The following HDAC2 variants were observed in gnomAD, a reference collection of about 807,000 sequenced individuals.
HDAC2 encodes the protein histone deacetylase 2, also known as YY1-associated factor 1.
A neutral mutation model predicts 68.5 loss-of-function variants in HDAC2; 5 were observed. The ratio of observed to expected loss-of-function variants is 0.07; its 90% CI spans 0.04 to 0.15. The LOEUF (loss-of-function observed/expected upper bound fraction) is 0.15. HDAC2 is among the 10% of genes least tolerant of loss of function. The probability of loss-of-function intolerance (pLI) is 1.00; values close to 1 mark genes in which losing one functional copy is unlikely to be tolerated. For synonymous variants in HDAC2, 182 were observed against 191.3 expected, an observed-to-expected ratio of 0.95 and a Z score of 0.40; for missense variants, 291 against 600.8, an observed-to-expected ratio of 0.48 and a Z score of 5.39.
intron 3 of HDAC2, 22 bp downstream of exon 3, chr6:113,958,624 AACT>A: frequency 8.7e-7 from 1 of 1,153,204 alleles, no homozygotes; most frequent in Non-Finnish European, 1.3e-6. Context: ...ATCAAAGCAA[AACT>A]ACTTTTTACT....
intron 1 of HDAC2, among the ~76,000 whole-genome samples, chr6:113,968,867 C>CCCT (rs1389671903): frequency 2.0e-5 from 3 of 152,174 alleles, no homozygotes; most frequent in Non-Finnish European, 2.9e-5. Flanking sequence ...CTCAAGTGTA[C>CCCT]CCTCCTGGTT....
At chr6:113,965,517 C>T (rs1425370384) in intron 1 of HDAC2, among the ~76,000 whole-genome samples, 13 of 152,114 alleles carry the variant, frequency 8.5e-5, no homozygotes, top group African/African-American at 2.9e-4. Flanking sequence ...TACAGGCACC[C>T]GTCACCATGC....
rs1238728260 is a variant in HDAC2 at position 113,934,079 on chromosome 6, T to G, written c.*6979A>C. ...TTAAATATGAGAAAAAAGTTGACTTTAGAATGTCTAATAAGCCTATCCTAT... is the reference window on the plus strand; with the variant it reads ...TTAAATATGAGAAAAAAGTTGACTTGAGAATGTCTAATAAGCCTATCCTAT... On this transcript the variant is annotated 3_prime_UTR_variant, in exon 14 of 14. Coordinates refer to ENST00000519065, the MANE Select transcript of HDAC2 (RefSeq NM_001527.4). 1 of 152,140 alleles carries G rather than the reference T, an allele frequency of 6.6e-6. No homozygotes were observed. Among genetic ancestry groups the G allele is most frequent in the East Asian group, 1.9e-4 (1 of 5,196 alleles). 9.4% of individuals were successfully genotyped at this position (152,140 alleles called of 1,614,324 possible).
chr6:113,948,261 G>A (rs1164747099), intron 8 of HDAC2: 1 of 152,228 alleles, frequency 6.6e-6, no homozygotes, highest in Non-Finnish European at 1.5e-5. Flanking sequence ...TAAGGACAGA[G>A]AACAGAGCCA....
At chr6:113,950,500 C>T (rs1776385785) in intron 6 of HDAC2, among the ~76,000 whole-genome samples, 1 of 151,894 alleles carries the variant, frequency 6.6e-6, no homozygotes, top group Non-Finnish European at 1.5e-5. Context: ...TCAAACAATT[C>T]TCCTGTCTCG....
chr6:113,967,212 T>C (rs1227285134), intron 1 of HDAC2, among the ~76,000 whole-genome samples: 1 of 152,178 alleles, frequency 6.6e-6, no homozygotes. Context: ...CACTGCAACC[T>C]GCACCTCCTG....
rs996425915 is a variant in HDAC2, at chr6:113,939,721, A to G, written c.*1337T>C. 2.0e-5 allele frequency: 3 copies of G among 152,160 alleles called. No individual in the cohort carries two copies. Among genetic ancestry groups the G allele is most frequent in the African/African-American group, 7.2e-5 (3 of 41,450 alleles). The allele number at this position is 152,160 out of a possible 1,614,324, so 9.4% of individuals were successfully genotyped here. A position where few individuals can be genotyped will look rare whatever the true frequency, so the allele number is the denominator to read the frequency against. ...GGATTACAAACGACAAAGTACACAA[A>G]GAGAGCTTCAATTTCGGTGTATTTT... is the stretch of plus-strand genomic sequence containing the variant. On this transcript the variant is annotated 3_prime_UTR_variant, in exon 14 of 14. Coordinates refer to ENST00000519065, the MANE Select transcript of HDAC2 (RefSeq NM_001527.4).
At position 113,946,072 on chromosome 6, in the gene HDAC2, G is replaced by T; in HGVS notation, c.918C>A (p.Ile306=). The T allele has an allele frequency of 6.2e-7, 1 of 1,612,946 alleles. No individual in the cohort carries two copies. The highest frequency in any genetic ancestry group is 8.5e-7 in the Non-Finnish European group (1 of 1,178,928). The change falls in exon 9 of 14, where the codon ATC becomes ATA. Residue 306 remains isoleucine (I), a synonymous_variant. Transcript: ENST00000519065. ...LLMLGGGGYT[I]RNVARCWTYE... ...ATGTCCAACATCGAGCAACATTACGGATTGTGTAGCCACCTCCTCCAAGCA... is the reference window on the plus strand; with the variant it reads ...ATGTCCAACATCGAGCAACATTACGTATTGTGTAGCCACCTCCTCCAAGCA...
At chr6:113,956,223 T>A in intron 4 of HDAC2, 72 bp from the exon 5 acceptor site, 1 of 1,229,962 alleles carries the variant, frequency 8.1e-7, no homozygotes, top group Non-Finnish European at 1.1e-6. Context: ...ACAAAAACAC[T>A]ACAAGTGTAT....
At chr6:113,966,026 T>C (rs1226067025) in intron 1 of HDAC2, among the ~76,000 whole-genome samples, 3 of 152,086 alleles carry the variant, frequency 2.0e-5, no homozygotes, top group African/African-American at 7.2e-5. Flanking sequence ...AGGAAACACT[T>C]TGAAAAGGAA....
chr6:113,970,506 A>C, intron 1 of HDAC2: 1 of 1,152,300 alleles, frequency 8.7e-7, no homozygotes, highest in Admixed American at 4.9e-5. Context: ...GGTGGGCGGG[A>C]GAAGGGAGAG....
At position 113,949,284 on chromosome 6, in the gene HDAC2, C is replaced by T. The variant is rs1006646779; in HGVS notation, c.640-24G>A. ...TCCTAAAATACATAATTAAACTGAT[C>T]TTAGAGAATATTCTATAATAAAAAG... On this transcript the variant is annotated intron_variant, in intron 6 of 13. Coordinates refer to ENST00000519065, the MANE Select transcript of HDAC2 (RefSeq NM_001527.4). 9 of 1,335,188 alleles carry T rather than the reference C, an allele frequency of 6.7e-6. No homozygotes were observed. The African/African-American group carries it at 7.2e-5, about 11-fold the overall frequency. 82.7% of individuals were successfully genotyped at this position (1,335,188 alleles called of 1,614,324 possible).
chr6:113,945,999 A>T lies in HDAC2; in HGVS notation c.982+9T>A. 2 of 1,605,702 alleles carry T rather than the reference A, an allele frequency of 1.2e-6. No individual in the cohort carries two copies. The highest frequency in any genetic ancestry group is 1.7e-6 in the Non-Finnish European group (2 of 1,172,588). On this transcript the variant is annotated intron_variant, in intron 9 of 13. Transcript: ENST00000519065. ...CATACAATAAAGATATTGTAATGAG[A>T]ACACTTACCATTGGGAATCTCACAA... is the stretch of plus-strand genomic sequence containing the variant.
chr6:113,946,181 C>A, intron 8 of HDAC2, 33 bp from the exon 9 acceptor site: 2 of 1,579,462 alleles, frequency 1.3e-6, no homozygotes, highest in Non-Finnish European at 1.7e-6. Flanking sequence ...ACAACAAAAT[C>A]TGCATACTGC....
rs769369874 is a variant in HDAC2 at position 113,936,251 on chromosome 6, A to G, written c.*4807T>C. The G allele has an allele frequency of 4.6e-5, 7 of 152,318 alleles. No homozygotes were observed. The highest frequency in any genetic ancestry group is 4.1e-4 in the South Asian group (2 of 4,824). The allele number at this position is 152,318 out of a possible 1,614,324, so 9.4% of individuals were successfully genotyped here. A position where few individuals can be genotyped will look rare whatever the true frequency, so the allele number is the denominator to read the frequency against. ...CTTGTTACATGGCCACCAAGTGACT[A>G]TAAGAGAAAACACACAGAAAAAAAA... is the stretch of plus-strand genomic sequence containing the variant. On this transcript the variant is annotated 3_prime_UTR_variant, in exon 14 of 14. Transcript: ENST00000519065.
intron 1 of HDAC2, 150 bp from the exon 2 acceptor site, chr6:113,960,168 A>T (rs1776647007): frequency 3.2e-6 from 2 of 631,478 alleles, no homozygotes; most frequent in East Asian, 5.7e-5. Flanking sequence ...TGCAACTTTC[A>T]AACTGTATCA....
rs1162096098 is a variant in HDAC2 at position 113,934,677 on chromosome 6, T to A, written c.*6381A>T. The A allele has an allele frequency of 1.3e-5, 2 of 152,216 alleles. No individual in the cohort carries two copies. Among genetic ancestry groups the A allele is most frequent in the Admixed American group, 1.3e-4 (2 of 15,284 alleles). 9.4% of individuals were successfully genotyped at this position (152,216 alleles called of 1,614,324 possible). ...TAGAAATAGGATGGCAGAAGAGTCA[T>A]TACATTAAGAAAGCCCAATGCTGCC... On this transcript the variant is annotated 3_prime_UTR_variant, in exon 14 of 14. Transcript: ENST00000519065.
Position 113,953,318 on chromosome 6 carries a change from G to T in HDAC2, c.598C>A (p.His200Asn). Residue 200 changes from histidine to asparagine, a missense_variant, in exon 6 of 14, where the codon CAT becomes AAT. By Grantham distance (68) the His-to-Asn change is moderately conservative. Transcript: ENST00000519065. ...CCAGGAAAGTATTCCCCATATTTAT[G>T]GAATGATACCGTCATTACACGATCT... ...TTDRVMTVSF[H>N]KYGEYFPGTG... is the part of the protein sequence containing the mutation. 1 of 1,609,178 alleles carries T rather than the reference G, an allele frequency of 6.2e-7. No individual in the cohort carries two copies. Among genetic ancestry groups the T allele is most frequent in the Non-Finnish European group, 8.5e-7 (1 of 1,175,990 alleles).
rs1776034708 is a variant in HDAC2, at chr6:113,937,691, A to G, written c.*3367T>C. 1 of 152,080 alleles carries G rather than the reference A, an allele frequency of 6.6e-6. No homozygotes were observed. The highest frequency in any genetic ancestry group is 1.5e-5 in the Non-Finnish European group (1 of 68,072). 9.4% of individuals were successfully genotyped at this position (152,080 alleles called of 1,614,324 possible). A position where few individuals can be genotyped will look rare whatever the true frequency, so the allele number is the denominator to read the frequency against. On this transcript the variant is annotated 3_prime_UTR_variant, in exon 14 of 14. Transcript: ENST00000519065. ...AGGGAGACACCATCTCTCCAAAATAAAAATGTAAAAATCAGCTAGGTGTGA... is the reference window on the plus strand; with the variant it reads ...AGGGAGACACCATCTCTCCAAAATAGAAATGTAAAAATCAGCTAGGTGTGA...
Sources: gnomAD v4.1 joint callset for allele counts (sites outside exome capture counted in the v4.1 genomes callset) on GRCh38, gnomAD v4.1.1 for gene constraint, MANE v1.5 for transcripts, NCBI Gene and HGNC (gene_info 2026-07-23, HGNC 2026-07-21) for gene names.